Variants in ASXL3 observed in about 807,000 individuals in gnomAD.
ASXL3 encodes the protein ASXL transcriptional regulator 3.
A neutral mutation model predicts 170.6 loss-of-function variants in ASXL3; 34 were observed. The observed-to-expected ratio is 0.20, with a 90% CI of 0.15 to 0.27. The LOEUF (loss-of-function observed/expected upper bound fraction) is 0.27. Ranked by LOEUF, ASXL3 falls within the 10% of genes least tolerant of loss-of-function variation. The pLI is 1.00. For missense variants in ASXL3, 2,592 were observed against 2,695.3 expected (o/e 0.96, Z 0.85); for synonymous variants, 1,002 against 989.1 (o/e 1.01, Z -0.24).
chr18:33,682,654 G>A (rs555141064), intron 7 of ASXL3, among the ~76,000 whole-genome samples: 24 of 151,972 alleles, frequency 1.6e-4, no homozygotes, highest in African/African-American at 2.4e-4. Context: ...TTAAGTGATC[G>A]TCCCACCTCA....
chr18:33,610,395 A>C (rs902663542), intron 2 of ASXL3, among the ~76,000 whole-genome samples: 4 of 151,950 alleles, frequency 2.6e-5, no homozygotes, highest in African/African-American at 9.7e-5. Context: ...TATGGATGAA[A>C]GGTAATGTTT....
intron 8 of ASXL3, among the ~76,000 whole-genome samples, chr18:33,727,264 G>A (rs1029669826): frequency 1.3e-5 from 2 of 151,866 alleles, no homozygotes; most frequent in Non-Finnish European, 2.9e-5. Context: ...AGAATCACTT[G>A]TAAGAAACAC....
chr18:33,671,489 A>G (rs1434485601), intron 6 of ASXL3, among the ~76,000 whole-genome samples: 2 of 152,206 alleles, frequency 1.3e-5, no homozygotes, highest in East Asian at 1.9e-4. Flanking sequence ...ACCTGACTCT[A>G]TTTCTTTTAA....
intron 1 of ASXL3, among the ~76,000 whole-genome samples, chr18:33,593,405 T>C (rs1437556116): frequency 1.3e-5 from 2 of 151,908 alleles, no homozygotes; most frequent in Non-Finnish European, 2.9e-5. Flanking sequence ...TCGGGCTGTT[T>C]CCCACCAGTT....
intron 1 of ASXL3, among the ~76,000 whole-genome samples, chr18:33,598,334 G>C (rs2065149542): frequency 1.3e-5 from 2 of 151,888 alleles, no homozygotes; most frequent in Admixed American, 1.3e-4. Flanking sequence ...ATTTTTATGG[G>C]AGGTTCTATA....
At chr18:33,664,211 C>T (rs2066220825) in intron 5 of ASXL3, among the ~76,000 whole-genome samples, 1 of 152,088 alleles carries the variant, frequency 6.6e-6, no homozygotes, top group Non-Finnish European at 1.5e-5. Flanking sequence ...AGGTAACTTG[C>T]CCAAGATCAC....
chr18:33,683,264 T>C, intron 7 of ASXL3, 141 bp from the exon 8 acceptor site: 1 of 657,446 alleles, frequency 1.5e-6, no homozygotes, highest in Non-Finnish European at 2.3e-6. Context: ...TTTTCTGAAA[T>C]ACCATTTGTA....
chr18:33,663,934 C>T (rs1472001452), intron 5 of ASXL3, among the ~76,000 whole-genome samples: 5 of 151,532 alleles, frequency 3.3e-5, no homozygotes, highest in African/African-American at 1.2e-4. Flanking sequence ...GTATTAAATA[C>T]ATATATATAT....
chr18:33,599,386 TATAG>T (rs2065160780), intron 1 of ASXL3, among the ~76,000 whole-genome samples: 1 of 152,120 alleles, frequency 6.6e-6, no homozygotes, highest in African/African-American at 2.4e-5. Context: ...ATTGAACATG[TATAG>T]ATAAAGTATA....
intron 2 of ASXL3, among the ~76,000 whole-genome samples, chr18:33,642,572 T>TTA (rs1458617523): frequency 6.6e-6 from 1 of 151,948 alleles, no homozygotes; most frequent in Non-Finnish European, 1.5e-5. Context: ...TTGGGAAAGA[T>TTA]TTATAGAAAT....
chr18:33,663,807 C>G (rs1340514773), intron 5 of ASXL3, among the ~76,000 whole-genome samples: 1 of 152,060 alleles, frequency 6.6e-6, no homozygotes, highest in African/African-American at 2.4e-5. Context: ...CTTAAGACAG[C>G]ATTGCAAAAA....
At chr18:33,726,802 C>G (rs146173730) in intron 8 of ASXL3, among the ~76,000 whole-genome samples, 9 of 152,224 alleles carry the variant, frequency 5.9e-5, no homozygotes, top group Middle Eastern at 3.4e-3. Flanking sequence ...AAAGGCTTTC[C>G]AGCCCCCTCA....
In ASXL3 at chr18:33,672,469, A is replaced by G. The variant is rs574925648; in HGVS notation, c.715+603A>G. ...CTTTTCATCAGGAACCCCCAACAGCATTCAGGGAGAAAAGAGCATGAGAAT... is the reference window on the plus strand; with the variant it reads ...CTTTTCATCAGGAACCCCCAACAGCGTTCAGGGAGAAAAGAGCATGAGAAT... On this transcript the variant is annotated intron_variant, in intron 7 of 11. Coordinates refer to ENST00000269197, the MANE Select transcript of ASXL3 (RefSeq NM_030632.3). Among the ~76,000 whole-genome samples the G allele has an allele frequency of 4.6e-5, 7 of 152,328 alleles. No individual in the cohort carries two copies. The East Asian group carries it at 1.4e-3, about 29-fold the overall frequency.
chr18:33,612,359 A>G (rs2065348891), intron 2 of ASXL3, among the ~76,000 whole-genome samples: 1 of 152,076 alleles, frequency 6.6e-6, no homozygotes, highest in Admixed American at 6.6e-5. Context: ...ATAAATATAT[A>G]TTCCAGTAGG....
chr18:33,591,400 C>T (rs1226585236), intron 1 of ASXL3, among the ~76,000 whole-genome samples: 1 of 152,066 alleles, frequency 6.6e-6, no homozygotes, highest in East Asian at 1.9e-4. Context: ...TCTGGATCCA[C>T]CAGGATCTTT....
intron 7 of ASXL3, among the ~76,000 whole-genome samples, chr18:33,676,227 A>AAAAAAAAAAAAAAAAG (rs2066428468): frequency 6.8e-6 from 1 of 147,818 alleles, no homozygotes; most frequent in African/African-American, 2.5e-5. Context: ...CGTCTCAAAA[A>AAAAAAAAAAAAAAAAG]AAAAAAAAAA....
intron 5 of ASXL3, among the ~76,000 whole-genome samples, chr18:33,669,563 A>C (rs1599470725): frequency 6.6e-6 from 1 of 152,290 alleles, no homozygotes; most frequent in East Asian, 1.9e-4. Flanking sequence ...TTGATTGCTA[A>C]ATCTTATGGT....
At position 33,743,333 on chromosome 18, in the gene ASXL3, A is replaced by G. The variant is rs1180552629; in HGVS notation, c.3485A>G (p.Asn1162Ser). 1 of 1,613,824 alleles carries G rather than the reference A, an allele frequency of 6.2e-7. No homozygotes were observed. The highest frequency in any genetic ancestry group is 8.5e-7 in the Non-Finnish European group (1 of 1,179,860). ...GGTTCGACTGGTGTCATTATTGTCA[A>G]TCCAAACTGTAGATCTCCTAGCAAC... ...MEGSTGVIIVNPNCRSPSNKS... is the reference protein window; with the variant it reads ...MEGSTGVIIVSPNCRSPSNKS... The change falls in exon 12 of 12, where the codon AAT (asparagine) becomes AGT (serine). Residue 1162 changes from asparagine to serine, a missense_variant. Transcript: ENST00000269197.
intron 8 of ASXL3, among the ~76,000 whole-genome samples, chr18:33,702,391 T>C (rs1312785540): frequency 6.6e-6 from 1 of 152,154 alleles, no homozygotes; most frequent in Non-Finnish European, 1.5e-5. Flanking sequence ...TATTGTTGTC[T>C]TTTTAGTAAC....
Sources: allele counts gnomAD v4.1 joint callset (sites outside exome capture counted in the v4.1 genomes callset), GRCh38; gene constraint gnomAD v4.1.1; transcripts MANE v1.5; gene names NCBI Gene and HGNC (gene_info 2026-07-23, HGNC 2026-07-21).